MYO1H: variants seen among roughly 807,000 people sequenced by gnomAD.
MYO1H encodes myosin IH.
A neutral mutation model predicts 149.3 loss-of-function variants in MYO1H; 118 were observed. That is an observed-to-expected ratio of 0.79 (90% confidence interval 0.68 to 0.92). MYO1H has a LOEUF of 0.92. Ranked by LOEUF, MYO1H falls within the 40% of genes least tolerant of loss-of-function variation. The pLI is 0.00. For missense variants in MYO1H, 1,212 were observed against 1,280.7 expected, an observed-to-expected ratio of 0.95 and a Z score of 0.82; for synonymous variants, 447 against 465.2, an observed-to-expected ratio of 0.96 and a Z score of 0.50.
intron 25 of MYO1H, 56 bp from the exon 26 acceptor site, chr12:109,441,559 C>A: frequency 8.1e-7 from 1 of 1,240,764 alleles, no homozygotes; most frequent in Non-Finnish European, 1.1e-6. Context: ...TAGAGCTCTT[C>A]TATCCCAAAG....
the MYO1H span, among the ~76,000 whole-genome samples, chr12:109,323,000 G>C: frequency 6.6e-6 from 1 of 151,860 alleles, no homozygotes; most frequent in Middle Eastern, 3.2e-3. Context: ...CCAGCTACTC[G>C]GGAGGCTGAG....
chr12:109,313,803 A>G, the MYO1H span, among the ~76,000 whole-genome samples: 1 of 152,152 alleles, frequency 6.6e-6, no homozygotes, highest in Non-Finnish European at 1.5e-5. Flanking sequence ...CCATCCTTTT[A>G]TAATAACCTC....
chr12:109,325,901 T>C, the MYO1H span, among the ~76,000 whole-genome samples: 1 of 152,152 alleles, frequency 6.6e-6, no homozygotes, highest in Non-Finnish European at 1.5e-5. Flanking sequence ...ATGTCTATTA[T>C]TAAAAAGTCA....
chr12:109,320,748 A>T, the MYO1H span, among the ~76,000 whole-genome samples: 1 of 152,176 alleles, frequency 6.6e-6, no homozygotes. Flanking sequence ...AAAAGGATTA[A>T]TATCAATCTG....
At chr12:109,435,505 AT>A (rs1251776435) in intron 21 of MYO1H, among the ~76,000 whole-genome samples, 1 of 152,212 alleles carries the variant, frequency 6.6e-6, no homozygotes, top group Non-Finnish European at 1.5e-5. Context: ...GGAATGGTCA[AT>A]GAGAAAAGTT....
At chr12:109,356,998 T>C (rs184323509) in intron 1 of MYO1H, 1 of 152,366 alleles carries the variant, frequency 6.6e-6, no homozygotes, top group African/African-American at 2.4e-5. Context: ...GATGTGTGTT[T>C]GGTTTACATT....
intron 19 of MYO1H, among the ~76,000 whole-genome samples, chr12:109,428,304 C>A (rs1021849574): frequency 1.9e-4 from 29 of 152,044 alleles, no homozygotes; most frequent in African/African-American, 7.0e-4. Context: ...TGCCTTAGCG[C>A]AACGGGCTGT....
chr12:109,334,872 C>T, the MYO1H span, among the ~76,000 whole-genome samples: 1 of 152,142 alleles, frequency 6.6e-6, no homozygotes, highest in Non-Finnish European at 1.5e-5. Context: ...AAGTTATGAA[C>T]TGTCACCACT....
chr12:109,311,817 A>G, the MYO1H span, among the ~76,000 whole-genome samples: 2 of 152,226 alleles, frequency 1.3e-5, no homozygotes, highest in Non-Finnish European at 2.9e-5. Context: ...GGCCCAACAC[A>G]AACCCAGTTT....
the MYO1H span, among the ~76,000 whole-genome samples, chr12:109,339,765 C>G: frequency 6.6e-6 from 1 of 152,156 alleles, no homozygotes; most frequent in Non-Finnish European, 1.5e-5. Flanking sequence ...ATCAGCCTTC[C>G]TTACCATTAT....
At chr12:109,411,251 A>C (rs1178244846) in intron 13 of MYO1H, among the ~76,000 whole-genome samples, 1 of 152,188 alleles carries the variant, frequency 6.6e-6, no homozygotes, top group Non-Finnish European at 1.5e-5. Context: ...CTACAAAGGT[A>C]TACCACCACA....
chr12:109,332,106 C>CTGGGATT, the MYO1H span, among the ~76,000 whole-genome samples: 500 of 152,312 alleles, frequency 3.3e-3, 5 homozygotes, highest in African/African-American at 0.012. Context: ...AAGTGCTGTA[C>CTGGGATT]TGGGATTTGC....
At chr12:109,362,676 C>T (rs1051074153) in intron 1 of MYO1H, among the ~76,000 whole-genome samples, 4 of 152,112 alleles carry the variant, frequency 2.6e-5, no homozygotes, top group Admixed American at 6.6e-5. Context: ...CCTGTTTGTC[C>T]ACATTCTTCT....
At chr12:109,443,126 GTA>G (rs1173134372) in intron 27 of MYO1H, among the ~76,000 whole-genome samples, 403 of 7,664 alleles carry the variant, frequency 0.053, 76 homozygotes, top group African/African-American at 0.17. Flanking sequence ...ATATGTGTAC[GTA>G]TATATGTGTG....
Position 109,371,580 on chromosome 12 carries a change from T to G in MYO1H, c.13-17103T>G, listed in dbSNP as rs183930133. On this transcript the variant is annotated intron_variant, in intron 1 of 31. Transcript: ENST00000310903. ...ATTCTATAGCTCTATGGTCTTTCAT[T>G]GGATGCATGAACCATAATTTAATTT... Among the ~76,000 whole-genome samples the G allele has an allele frequency of 6.6e-5, 10 of 152,330 alleles. No individual in the cohort carries two copies. The East Asian group carries it at 1.9e-3, about 29-fold the overall frequency.
At chr12:109,408,322 C>T (rs1870489841) in intron 10 of MYO1H, among the ~76,000 whole-genome samples, 1 of 150,654 alleles carries the variant, frequency 6.6e-6, no homozygotes, top group Non-Finnish European at 1.5e-5. Context: ...CAGTTGCATA[C>T]CACCATGCCC....
Position 109,439,498 on chromosome 12 carries a change from T to TGGCCGGTGGCCTACATTCCA in MYO1H, c.2295-129_2295-128insGGTGGCCTACATTCCAGGCC. On this transcript the variant is annotated intron_variant, in intron 23 of 31. Transcript: ENST00000310903. Reference sequence around the variant, plus strand: ...ATCGAACATATATGTGGGGCAGATTTGGCCTCTGGCCTATGTGGTCATCTC... The same window carrying TGGCCGGTGGCCTACATTCCA: ...ATCGAACATATATGTGGGGCAGATTTGGCCGGTGGCCTACATTCCAGGCCTCTGGCCTATGTGGTCATCTC... 7 of 676,082 alleles carry TGGCCGGTGGCCTACATTCCA rather than the reference T, an allele frequency of 1.0e-5. No individual in the cohort carries two copies. The South Asian group carries it at 1.5e-4, about 15-fold the overall frequency. The allele number at this position is 676,082 out of a possible 1,614,324, so 41.9% of individuals were successfully genotyped here. A position where few individuals can be genotyped will look rare whatever the true frequency, so the allele number is the denominator to read the frequency against.
intron 1 of MYO1H, among the ~76,000 whole-genome samples, chr12:109,353,732 AC>A (rs1234517734): frequency 6.6e-6 from 1 of 151,836 alleles, no homozygotes; most frequent in Admixed American, 6.6e-5. Context: ...GCTCACTGCA[AC>A]CCCCGCCTCC....
At chr12:109,421,877 G>A (rs10774690) in intron 16 of MYO1H, among the ~76,000 whole-genome samples, 50,307 of 152,006 alleles carry the variant, frequency 0.33, 8,489 homozygotes, top group Admixed American at 0.4. Context: ...CCAGGCTGGA[G>A]TGCAGTGACG....
Sources: allele counts gnomAD v4.1 joint callset (sites outside exome capture counted in the v4.1 genomes callset), GRCh38; gene constraint gnomAD v4.1.1; transcripts MANE v1.5; gene names NCBI Gene and HGNC (gene_info 2026-07-23, HGNC 2026-07-21).